Variants in DMD observed in about 807,000 individuals in gnomAD.
DMD encodes the protein mutant dystrophin.
Under a neutral mutation model 330.1 loss-of-function variants are expected in DMD, and 63 were observed. That is an observed-to-expected ratio of 0.19 (90% CI 0.16 to 0.24). The LOEUF is 0.24. Among genes scored for constraint, DMD ranks in the 10% least tolerant of loss-of-function variants. The probability of loss-of-function intolerance (pLI) is 1.00; values close to 1 mark genes in which losing one functional copy is unlikely to be tolerated. For synonymous variants in DMD, 1,223 were observed against 959.8 expected, an observed-to-expected ratio of 1.27 and a Z score of -5.07; for missense variants, 3,344 against 2,684.1, an observed-to-expected ratio of 1.25 and a Z score of -5.43.
intron 62 of DMD, among the ~76,000 whole-genome samples, chrX:31,271,792 T>C (rs2051653387): frequency 8.9e-6 from 1 of 111,909 alleles, no homozygotes. Flanking sequence ...GTACTAACCA[T>C]GAACAGTGAC....
At chrX:32,934,151 A>G (rs754408813) in intron 2 of DMD, among the ~76,000 whole-genome samples, 177 of 111,991 alleles carry the variant, frequency 1.6e-3, no homozygotes, top group Non-Finnish European at 2.4e-3. Flanking sequence ...ATAGGTTGAG[A>G]GTTTCAGTAA....
intron 47 of DMD, among the ~76,000 whole-genome samples, chrX:31,916,999 T>A (rs894918500): frequency 6.2e-5 from 7 of 112,038 alleles, no homozygotes; most frequent in African/African-American, 1.9e-4. Flanking sequence ...CTTTCCAGTA[T>A]CTCAGAACAC....
intron 44 of DMD, among the ~76,000 whole-genome samples, chrX:32,069,489 C>T (rs757639733): frequency 1.4e-4 from 16 of 111,408 alleles, no homozygotes; most frequent in Non-Finnish European, 3.0e-4. Flanking sequence ...GTAACTTTCT[C>T]GAAGCAGCAG....
chrX:33,289,236 G>C (rs963839169), intron 1 of DMD, among the ~76,000 whole-genome samples: 2 of 110,609 alleles, frequency 1.8e-5, no homozygotes, highest in Non-Finnish European at 3.8e-5. Flanking sequence ...AAAGGAAATT[G>C]TTTTAAAACA....
intron 7 of DMD, among the ~76,000 whole-genome samples, chrX:32,754,657 A>T (rs1048238468): frequency 8.9e-6 from 1 of 111,954 alleles, no homozygotes; most frequent in Non-Finnish European, 1.9e-5. Flanking sequence ...AATTTAGATG[A>T]ATGAGTCAAT....
intron 21 of DMD, among the ~76,000 whole-genome samples, chrX:32,475,233 T>A (rs1423491671): frequency 1.8e-5 from 2 of 111,876 alleles, no homozygotes; most frequent in Non-Finnish European, 3.8e-5. Context: ...TTTATACCAG[T>A]ACCATGCTGT....
chrX:32,285,795 G>A (rs1290594414), intron 43 of DMD, among the ~76,000 whole-genome samples: 1 of 111,143 alleles, frequency 9.0e-6, no homozygotes, highest in Non-Finnish European at 1.9e-5. Flanking sequence ...TGCCTCCTGG[G>A]TTCAAGGGAT....
chrX:32,431,653 C>T (rs927203017), intron 29 of DMD, among the ~76,000 whole-genome samples: 9 of 111,304 alleles, frequency 8.1e-5, no homozygotes, highest in African/African-American at 2.9e-4. Context: ...TATTCATTTT[C>T]TAATTTTTAA....
Position 31,475,262 on chromosome X carries a change from G to C in DMD, c.8937+2844C>G, listed in dbSNP as rs184124447. 6.3e-5 allele frequency among the ~76,000 whole-genome samples: 7 copies of C among 111,794 alleles called. No individual in the cohort carries two copies. In the Admixed American group the frequency reaches 6.6e-4, roughly 11 times the overall value. ...TCAGAATGAGAGTTTTACCAATCAG[G>C]GTATGGAAAATGAAGTTTGTCTTAA... On this transcript the variant is annotated intron_variant, in intron 59 of 78. Coordinates refer to ENST00000357033, the MANE Select transcript of DMD (RefSeq NM_004006.3).
chrX:33,157,309 T>C (rs758680965), intron 1 of DMD, among the ~76,000 whole-genome samples: 1 of 111,590 alleles, frequency 9.0e-6, no homozygotes, highest in East Asian at 2.8e-4. Flanking sequence ...TCACTCGGGA[T>C]AGCCTCTGTC....
At chrX:33,292,915 T>G (rs1397299124) in intron 1 of DMD, among the ~76,000 whole-genome samples, 1 of 110,436 alleles carries the variant, frequency 9.1e-6, no homozygotes, top group African/African-American at 3.3e-5. Context: ...TTTTAGTCCA[T>G]TCCTCCCTTT....
At chrX:32,403,825 G>A (rs958338721) in intron 30 of DMD, among the ~76,000 whole-genome samples, 13 of 111,695 alleles carry the variant, frequency 1.2e-4, no homozygotes, top group Admixed American at 1.9e-4. Context: ...CCAAATCTCT[G>A]GGTTAGTTCT....
chrX:31,595,163 G>T (rs1026317308), intron 55 of DMD, among the ~76,000 whole-genome samples: 2 of 111,306 alleles, frequency 1.8e-5, no homozygotes, highest in African/African-American at 6.5e-5. Context: ...TTAAGAATTT[G>T]AAGCTATAGA....
At chrX:33,007,789 G>A (rs1025934268) in intron 2 of DMD, among the ~76,000 whole-genome samples, 1 of 111,371 alleles carries the variant, frequency 9.0e-6, no homozygotes, top group African/African-American at 3.3e-5. Context: ...TAAATTATTT[G>A]TAAAGGATAA....
chrX:32,870,782 G>T (rs1292138207), intron 2 of DMD, among the ~76,000 whole-genome samples: 1 of 109,458 alleles, frequency 9.1e-6, no homozygotes, highest in African/African-American at 3.3e-5. Context: ...ACTCAAGATG[G>T]ATTAAAGACT....
intron 1 of DMD, among the ~76,000 whole-genome samples, chrX:33,109,619 T>C (rs2095323626): frequency 9.0e-6 from 1 of 111,412 alleles, no homozygotes; most frequent in Admixed American, 9.6e-5. Flanking sequence ...GTTCAGTCTC[T>C]TGAGATTTAC....
intron 60 of DMD, 116 bp from the exon 61 acceptor site, chrX:31,348,750 C>T: frequency 1.6e-6 from 1 of 627,200 alleles, no homozygotes; most frequent in Non-Finnish European, 2.6e-6. Flanking sequence ...AACACTAAAG[C>T]AACATTTCAT....
chrX:32,554,868 G>A lies in DMD; in HGVS notation c.1993-9534C>T, dbSNP rs867971450. Among the ~76,000 whole-genome samples, 64 of 57,179 alleles carry A rather than the reference G, an allele frequency of 1.1e-3. 6 individuals carry two copies. The highest frequency in any genetic ancestry group is 7.2e-3 in the Admixed American group (35 of 4,862). The allele number at this position is 57,179 out of a possible 115,157, so 49.7% of individuals were successfully genotyped here. On this transcript the variant is annotated intron_variant, in intron 16 of 78. Transcript: ENST00000357033. ...AGAGAGAGAGAGAGAGAGAGAGAGAGAGAAGGAAAGAAGAAAGAAAGAAAG... is the reference window on the plus strand; with the variant it reads ...AGAGAGAGAGAGAGAGAGAGAGAGAAAGAAGGAAAGAAGAAAGAAAGAAAG...
At chrX:31,758,283 G>T (rs1385867554) in intron 51 of DMD, among the ~76,000 whole-genome samples, 1 of 110,958 alleles carries the variant, frequency 9.0e-6, no homozygotes, top group African/African-American at 3.3e-5. Context: ...ATATTTGGAA[G>T]AATTAAAGTG....
Sources: allele counts gnomAD v4.1 joint callset (sites outside exome capture counted in the v4.1 genomes callset), GRCh38; gene constraint gnomAD v4.1.1; transcripts MANE v1.5; gene names NCBI Gene and HGNC (gene_info 2026-07-23, HGNC 2026-07-21).